The following GNAS variants were observed in gnomAD, a reference collection of about 807,000 sequenced individuals.
GNAS encodes the protein protein ALEX.
A neutral mutation model predicts 54.5 loss-of-function variants in GNAS; 8 were observed. The observed-to-expected ratio is 0.15, with a 90% CI of 0.09 to 0.26. The LOEUF (loss-of-function observed/expected upper bound fraction) is 0.26. Ranked by LOEUF, GNAS falls within the 10% of genes least tolerant of loss-of-function variation. The pLI, the probability that GNAS is intolerant of heterozygous loss-of-function variation, is 1.00. For synonymous variants in GNAS, 204 were observed against 191.4 expected (o/e 1.07, Z -0.54); for missense variants, 170 against 529.8 (o/e 0.32, Z 6.67).
intron 1 of GNAS, among the ~76,000 whole-genome samples, chr20:58,866,336 A>G (rs1002552400): frequency 1.3e-5 from 2 of 152,248 alleles, no homozygotes; most frequent in African/African-American, 4.8e-5. Flanking sequence ...GAGAAAGAGC[A>G]TAAGATCTCT....
chr20:58,852,004 C>T (rs2145548960), intron 1 of GNAS, among the ~76,000 whole-genome samples: 1 of 152,306 alleles, frequency 6.6e-6, no homozygotes, highest in African/African-American at 2.4e-5. Flanking sequence ...CATTAAACCC[C>T]AACCAAAATC....
At chr20:58,887,184 A>G (rs751967439), upstream of GNAS, among the ~76,000 whole-genome samples, 3 of 152,372 alleles carry the variant, frequency 2.0e-5, no homozygotes, top group Non-Finnish European at 4.4e-5. Context: ...AGCTCCTGGC[A>G]TAAGTATCTA....
At chr20:58,855,364 A>C (rs1373975471) in intron 1 of GNAS, 2 of 1,529,864 alleles carry the variant, frequency 1.3e-6, no homozygotes, top group South Asian at 2.4e-5. Context: ...TGCGGGCAGC[A>C]GGGCCGCCGG....
At chr20:58,899,617 T>G (rs893678267) in intron 3 of GNAS, 1 of 586,840 alleles carries the variant, frequency 1.7e-6, no homozygotes, top group Non-Finnish European at 3.1e-6. Context: ...TATCAAATTA[T>G]TTTTTCTTTG....
intron 1 of GNAS, among the ~76,000 whole-genome samples, chr20:58,872,101 G>A (rs893787692): frequency 2.6e-5 from 4 of 152,202 alleles, no homozygotes; most frequent in Admixed American, 1.3e-4. Context: ...GGCCTCTCTT[G>A]TGTGCCAAGA....
At chr20:58,874,600 C>A (rs2087671249) in intron 1 of GNAS, among the ~76,000 whole-genome samples, 1 of 152,108 alleles carries the variant, frequency 6.6e-6, no homozygotes, top group South Asian at 2.1e-4. Flanking sequence ...TACATCTTAG[C>A]TCCTGGCCTG....
At position 58,853,626 on chromosome 20, in the gene GNAS, C is replaced by T. The variant is rs571292423; in HGVS notation, c.43+12740C>T. ...AGGCTTCTGGCCTACACTGGAGCAG[C>T]CTGGATTCCCCAGTGGGGTCCATGC... On this transcript the variant is annotated intron_variant, in intron 1 of 12. Coordinates refer to the GNAS transcript ENST00000306090. This position sits in a 1 kb window ranked among gnomAD's most constrained non-coding sequence, Gnocchi z 4.4. The T allele has an allele frequency of 6.8e-6, 11 of 1,613,432 alleles. No homozygotes were observed. In the South Asian group the frequency reaches 8.8e-5, roughly 13 times the overall value.
chr20:58,896,056 G>A (rs1265629471), intron 2 of GNAS, among the ~76,000 whole-genome samples: 1 of 152,086 alleles, frequency 6.6e-6, no homozygotes, highest in Non-Finnish European at 1.5e-5. Flanking sequence ...GGCTTTGGCC[G>A]CCCCCTCGTC....
In GNAS at chr20:58,841,650, C is replaced by T. The variant is rs1353466494; in HGVS notation, c.43+764C>T. The T allele has an allele frequency of 5.4e-6, 6 of 1,117,016 alleles. No individual in the cohort carries two copies. The highest frequency in any genetic ancestry group is 4.4e-6 in the Non-Finnish European group (4 of 914,866). 69.2% of individuals were successfully genotyped at this position (1,117,016 alleles called of 1,614,324 possible). On this transcript the variant is annotated intron_variant, in intron 1 of 12. Transcript: ENST00000306090. The surrounding 1 kb of genome is among the most constrained non-coding windows in gnomAD (Gnocchi z 5.0). ...GGAGCTGACCTCTCCCGGCGGCGGGCGGTTAGGGGAAAGTACCTGGGGGAA... is the reference window on the plus strand; with the variant it reads ...GGAGCTGACCTCTCCCGGCGGCGGGTGGTTAGGGGAAAGTACCTGGGGGAA...
At chr20:58,903,488 C>T (rs759536724) in intron 3 of GNAS, 43 bp from the exon 4 acceptor site, 2 of 1,502,498 alleles carry the variant, frequency 1.3e-6, no homozygotes, top group South Asian at 2.3e-5. Flanking sequence ...TCCTAACTGA[C>T]ATGGTGCAAT....
At position 58,856,750 on chromosome 20, in the gene GNAS, C is replaced by G. The variant is rs932287627; in HGVS notation, c.43+15864C>G. ...TATTTTGATTACAGAAGTTAAAAAT[C>G]ATGATATTCTTGTCAGGAGGGTATT... On this transcript the variant is annotated intron_variant, in intron 1 of 12. Transcript: ENST00000306090. This position sits in a 1 kb window ranked among gnomAD's most constrained non-coding sequence, Gnocchi z 4.2. The G allele has an allele frequency of 2.0e-5, 3 of 152,224 alleles. No homozygotes were observed. Among genetic ancestry groups the G allele is most frequent in the Admixed American group, 2.0e-4 (3 of 15,290 alleles). 9.4% of individuals were successfully genotyped at this position (152,224 alleles called of 1,614,324 possible). A position where few individuals can be genotyped will look rare whatever the true frequency, so the allele number is the denominator to read the frequency against.
upstream of GNAS, chr20:58,840,087 C>G: frequency 6.2e-7 from 1 of 1,609,338 alleles, no homozygotes; most frequent in Non-Finnish European, 8.5e-7. This position sits in a 1 kb window ranked among gnomAD's most constrained non-coding sequence, Gnocchi z 6.0. Flanking sequence ...AGGCCGGCTT[C>G]TCGGTGTGTG....
At chr20:58,840,620 G>A (rs376154152), upstream of GNAS, 10 of 1,607,782 alleles carry the variant, frequency 6.2e-6, no homozygotes, top group African/African-American at 5.3e-5. This position sits in a 1 kb window ranked among gnomAD's most constrained non-coding sequence, Gnocchi z 6.0. Context: ...GCGAAGCCCC[G>A]ACGCCTCCCC....
At chr20:58,874,402 A>G (rs1392684280) in intron 1 of GNAS, among the ~76,000 whole-genome samples, 5 of 152,182 alleles carry the variant, frequency 3.3e-5, no homozygotes, top group Non-Finnish European at 5.9e-5. Flanking sequence ...TGGGCCCAAT[A>G]TTTCCCACCT....
Position 58,863,358 on chromosome 20 carries a change from G to A in GNAS, c.43+22472G>A, listed in dbSNP as rs1436721286. ...ACCTCAGGAGTATTTAAATTCAGGA[G>A]TATTTTGACTTGTGGAGTTCTGCCC... On this transcript the variant is annotated intron_variant, in intron 1 of 12. Coordinates refer to the GNAS transcript ENST00000306090. This position sits in a 1 kb window ranked among gnomAD's most constrained non-coding sequence, Gnocchi z 4.1. Among the ~76,000 whole-genome samples, 1 of 152,168 alleles carries A rather than the reference G, an allele frequency of 6.6e-6. No homozygotes were observed. The highest frequency in any genetic ancestry group is 1.5e-5 in the Non-Finnish European group (1 of 68,022).
At chr20:58,893,140 C>T (rs1309816545) in intron 1 of GNAS, among the ~76,000 whole-genome samples, 10 of 125,534 alleles carry the variant, frequency 8.0e-5, no homozygotes, top group Admixed American at 9.3e-5. Flanking sequence ...GGAGACTTTT[C>T]CTCCAGGTGG....
At chr20:58,901,105 T>C (rs1449563820) in intron 3 of GNAS, among the ~76,000 whole-genome samples, 1 of 152,212 alleles carries the variant, frequency 6.6e-6, no homozygotes, top group Non-Finnish European at 1.5e-5. Context: ...AATTTTACTA[T>C]TGTGGAACCT....
upstream of GNAS, among the ~76,000 whole-genome samples, chr20:58,887,104 G>C: frequency 6.6e-6 from 1 of 152,346 alleles, no homozygotes; most frequent in Non-Finnish European, 1.5e-5. Context: ...TCTAAAAGGG[G>C]AAGGTGGTAA....
rs2146299204 is a variant in GNAS, at chr20:58,910,339, C to T, written c.976C>T (p.Pro326Ser). Residue 326 changes from proline to serine, a missense_variant, in exon 12 of 13, where the codon CCC becomes TCC. By Grantham distance (74) the Pro-to-Ser change is moderately conservative (BLOSUM62 -1). Coordinates refer to ENST00000371085, the MANE Select transcript of GNAS (RefSeq NM_000516.7). This position sits in a 1 kb window ranked among gnomAD's most constrained non-coding sequence, Gnocchi z 5.8. ...TGTATTCCCTTTTTATATAGCTACT[C>T]CCGAGCCCGGAGAGGACCCACGCGT... ...ARYTTPEDAT[P>S]EPGEDPRVTR... 1 of 1,608,350 alleles carries T rather than the reference C, an allele frequency of 6.2e-7. No homozygotes were observed. Among genetic ancestry groups the T allele is most frequent in the South Asian group, 1.1e-5 (1 of 90,960 alleles).
Sources: allele counts gnomAD v4.1 joint callset (sites outside exome capture counted in the v4.1 genomes callset), GRCh38; gene constraint gnomAD v4.1.1; non-coding constraint Gnocchi (gnomAD v3.1); transcripts MANE v1.5; gene names NCBI Gene and HGNC (gene_info 2026-07-23, HGNC 2026-07-21).